The following NBAS variants were observed in gnomAD, a reference collection of about 807,000 sequenced individuals.
NBAS encodes the protein NAG/BC035112 fusion.
A neutral mutation model predicts 302.5 loss-of-function variants in NBAS; 219 were observed. The ratio of observed to expected loss-of-function variants is 0.72; its 90% CI spans 0.65 to 0.81. NBAS has a LOEUF of 0.81. Ranked by LOEUF, NBAS falls within the 30% of genes least tolerant of loss-of-function variation. The pLI is 0.00. For synonymous variants in NBAS, 1,118 were observed against 1,021.6 expected (o/e 1.09, Z -1.80); for missense variants, 2,932 against 2,841.6 (o/e 1.03, Z -0.72).
the NBAS span, among the ~76,000 whole-genome samples, chr2:14,956,610 T>C: frequency 1.3e-5 from 2 of 152,158 alleles, no homozygotes; most frequent in African/African-American, 2.4e-5. Flanking sequence ...CTTACAATCA[T>C]GGCAGAAAAG....
At chr2:15,444,332 C>A (rs1453321371) in intron 21 of NBAS, among the ~76,000 whole-genome samples, 1 of 152,116 alleles carries the variant, frequency 6.6e-6, no homozygotes, top group Non-Finnish European at 1.5e-5. Flanking sequence ...CAGAACACAG[C>A]CCTCAGAAAT....
rs1558459234 is a variant in NBAS at position 15,232,526 on chromosome 2, A to G, written c.6147-15T>C. 1 of 1,608,300 alleles carries G rather than the reference A, an allele frequency of 6.2e-7. No individual in the cohort carries two copies. The highest frequency in any genetic ancestry group is 2.2e-5 in the East Asian group (1 of 44,852). Reference sequence around the variant, plus strand: ...CACTGCCACCACTGTGAAAAGAGAGATAAACTGATTCAGAAAAGGATCACT... The same window carrying G: ...CACTGCCACCACTGTGAAAAGAGAGGTAAACTGATTCAGAAAAGGATCACT... On this transcript the variant is annotated splice_polypyrimidine_tract_variant and intron_variant, in intron 46 of 51. Transcript: ENST00000281513.
chr2:15,469,859 G>T (rs1466806955), intron 16 of NBAS, among the ~76,000 whole-genome samples: 1 of 99,478 alleles, frequency 1.0e-5, no homozygotes, highest in Admixed American at 1.2e-4. Context: ...AGGGGGGAGG[G>T]ATAGCATTAG....
the NBAS span, among the ~76,000 whole-genome samples, chr2:15,148,016 G>A: frequency 2.0e-5 from 3 of 152,150 alleles, no homozygotes; most frequent in Admixed American, 6.5e-5. Flanking sequence ...AGGATGCAGA[G>A]ATCCCCAGAC....
chr2:15,141,547 A>T, the NBAS span, among the ~76,000 whole-genome samples: 2 of 152,340 alleles, frequency 1.3e-5, no homozygotes, highest in East Asian at 1.9e-4. Context: ...GTTTTTAAAC[A>T]TTACAATTAA....
At chr2:15,318,066 A>G (rs1246605291) in intron 38 of NBAS, among the ~76,000 whole-genome samples, 4 of 152,244 alleles carry the variant, frequency 2.6e-5, no homozygotes, top group Admixed American at 2.6e-4. Context: ...GAAACCCTAC[A>G]AACCAGAAGA....
chr2:15,269,489 C>A (rs1328530397), intron 44 of NBAS, among the ~76,000 whole-genome samples: 1 of 152,148 alleles, frequency 6.6e-6, no homozygotes. Flanking sequence ...AGAAAAACAA[C>A]ACAGAATTTG....
the NBAS span, among the ~76,000 whole-genome samples, chr2:15,095,833 C>A: frequency 2.0e-4 from 31 of 152,316 alleles, no homozygotes; most frequent in African/African-American, 7.5e-4. Flanking sequence ...GTGGTTGATT[C>A]CTCCAGTCCA....
intron 35 of NBAS, among the ~76,000 whole-genome samples, chr2:15,337,365 G>A (rs1397758952): frequency 1.3e-5 from 2 of 151,750 alleles, no homozygotes; most frequent in Non-Finnish European, 1.5e-5. Flanking sequence ...TATGCTGCTC[G>A]GGAGATGAGT....
At chr2:14,851,141 G>C in the NBAS span, among the ~76,000 whole-genome samples, 1 of 132,058 alleles carries the variant, frequency 7.6e-6, no homozygotes, top group Non-Finnish European at 1.5e-5. Context: ...GAATCCAGGA[G>C]CTGGTTTTTT....
At chr2:15,470,798 A>T (rs571200797) in intron 16 of NBAS, among the ~76,000 whole-genome samples, 1 of 152,260 alleles carries the variant, frequency 6.6e-6, no homozygotes, top group East Asian at 1.9e-4. Flanking sequence ...CGTCTCTACT[A>T]AAAATACAAA....
chr2:14,859,826 CA>C, the NBAS span, among the ~76,000 whole-genome samples: 2 of 151,976 alleles, frequency 1.3e-5, no homozygotes, highest in African/African-American at 4.8e-5. Context: ...CAAAAACAGA[CA>C]AATGGGATTA....
At chr2:15,293,173 T>C (rs1292226506) in intron 40 of NBAS, among the ~76,000 whole-genome samples, 1 of 152,220 alleles carries the variant, frequency 6.6e-6, no homozygotes, top group Non-Finnish European at 1.5e-5. Context: ...AAATTTTCTG[T>C]GGACTACAGT....
At chr2:15,194,917 T>G (rs187012404) in intron 48 of NBAS, among the ~76,000 whole-genome samples, 5 of 152,210 alleles carry the variant, frequency 3.3e-5, no homozygotes. Flanking sequence ...AAAAATAAAA[T>G]TCTATCTACA....
chr2:14,973,383 A>G, the NBAS span, among the ~76,000 whole-genome samples: 1 of 152,250 alleles, frequency 6.6e-6, no homozygotes, highest in African/African-American at 2.4e-5. Flanking sequence ...CGAAGAAATG[A>G]CAATCCAGGA....
intron 35 of NBAS, among the ~76,000 whole-genome samples, chr2:15,337,170 G>T (rs1031658805): frequency 2.0e-5 from 3 of 151,974 alleles, no homozygotes; most frequent in Non-Finnish European, 2.9e-5. Flanking sequence ...TAAAAATTAA[G>T]TAATTTTTTT....
chr2:15,399,366 A>G (rs532558550), intron 26 of NBAS, among the ~76,000 whole-genome samples: 1 of 152,270 alleles, frequency 6.6e-6, no homozygotes, highest in Non-Finnish European at 1.5e-5. Context: ...CCTCCAGGGA[A>G]AAGCAATTTG....
At chr2:14,924,267 T>C in the NBAS span, among the ~76,000 whole-genome samples, 2 of 152,250 alleles carry the variant, frequency 1.3e-5, no homozygotes, top group African/African-American at 2.4e-5. Flanking sequence ...GTCATGGAGA[T>C]GATGTAAGAG....
At chr2:15,423,129 G>A (rs1032278990) in intron 23 of NBAS, among the ~76,000 whole-genome samples, 10 of 152,180 alleles carry the variant, frequency 6.6e-5, no homozygotes, top group African/African-American at 2.2e-4. Flanking sequence ...CTGCCACTGT[G>A]TGTCCCTGTG....
Sources: allele counts gnomAD v4.1 joint callset (sites outside exome capture counted in the v4.1 genomes callset), GRCh38; gene constraint gnomAD v4.1.1; transcripts MANE v1.5; gene names NCBI Gene and HGNC (gene_info 2026-07-23, HGNC 2026-07-21).